RAB5A: variants seen among roughly 807,000 people sequenced by gnomAD.
RAB5A encodes ras-related protein Rab-5A.
In RAB5A, 8 loss-of-function variants were observed where a neutral mutation model predicts 25.7. The observed-to-expected ratio is 0.31, with a 90% confidence interval of 0.18 to 0.56. The LOEUF is 0.56. RAB5A is among the 20% of genes least tolerant of loss of function. The pLI is 0.91. For synonymous variants in RAB5A, 98 were observed against 89.8 expected, an observed-to-expected ratio of 1.09 and a Z score of -0.52; for missense variants, 192 against 259.7, an observed-to-expected ratio of 0.74 and a Z score of 1.79.
intron 5 of RAB5A, chr3:19,978,917 C>G (rs1346921473): frequency 6.6e-6 from 1 of 151,750 alleles, no homozygotes; most frequent in Non-Finnish European, 1.5e-5. Flanking sequence ...AAACAACATC[C>G]ATACTTTATA....
At chr3:19,974,733 A>AAAAAG (rs1436313186) in intron 2 of RAB5A, among the ~76,000 whole-genome samples, 2 of 152,030 alleles carry the variant, frequency 1.3e-5, no homozygotes, top group African/African-American at 4.8e-5. Context: ...AAAAAGAAAA[A>AAAAAG]AAAAGATAAT....
chr3:19,968,770 C>G (rs1237721430), intron 2 of RAB5A, among the ~76,000 whole-genome samples: 1 of 151,928 alleles, frequency 6.6e-6, no homozygotes, highest in African/African-American at 2.4e-5. Flanking sequence ...GCCTTACTTC[C>G]AATTCTTGAT....
chr3:19,947,996 T>TG (rs1696353555), intron 1 of RAB5A: 1 of 152,210 alleles, frequency 6.6e-6, no homozygotes, highest in African/African-American at 2.4e-5. Context: ...GGTGTCAATG[T>TG]GGGGAGCTCC....
chr3:19,973,442 CTTA>C (rs1453083299), intron 2 of RAB5A, among the ~76,000 whole-genome samples: 2 of 148,448 alleles, frequency 1.3e-5, no homozygotes, highest in Non-Finnish European at 3.0e-5. Context: ...TGTATTGTGA[CTTA>C]TTTTCCTCTT....
At chr3:19,963,027 T>C (rs1696610648) in intron 2 of RAB5A, among the ~76,000 whole-genome samples, 1 of 152,158 alleles carries the variant, frequency 6.6e-6, no homozygotes, top group African/African-American at 2.4e-5. Flanking sequence ...CAGGGTAGTC[T>C]CAAACTCCTG....
intron 1 of RAB5A, among the ~76,000 whole-genome samples, chr3:19,949,035 C>T (rs1696381249): frequency 6.6e-6 from 1 of 152,060 alleles, no homozygotes; most frequent in East Asian, 1.9e-4. Flanking sequence ...TTAATTGTCA[C>T]ATCAGCTATG....
At chr3:19,970,528 A>G (rs962407586) in intron 2 of RAB5A, 1 of 456,556 alleles carries the variant, frequency 2.2e-6, no homozygotes, top group Non-Finnish European at 4.4e-6. Context: ...GTTTTTCTCT[A>G]CTTGTCATCG....
chr3:19,964,248 C>T (rs1696629883), intron 2 of RAB5A, among the ~76,000 whole-genome samples: 1 of 152,144 alleles, frequency 6.6e-6, no homozygotes, highest in Non-Finnish European at 1.5e-5. Context: ...TATATATCTA[C>T]CTACCTATAG....
At chr3:19,975,800 T>G in intron 3 of RAB5A, 48 bp downstream of exon 3, 1 of 1,531,170 alleles carries the variant, frequency 6.5e-7, no homozygotes, top group South Asian at 1.2e-5. Context: ...GTACCCACTT[T>G]TGGTGTTCAG....
In RAB5A at chr3:19,980,226, A is replaced by G. The variant is rs180958575; in HGVS notation, c.532+1823A>G. The G allele has an allele frequency of 1.7e-4, 26 of 152,324 alleles. No individual in the cohort carries two copies. The East Asian group carries it at 4.8e-3, about 28-fold the overall frequency. 9.4% of individuals were successfully genotyped at this position (152,324 alleles called of 1,614,324 possible). A position where few individuals can be genotyped will look rare whatever the true frequency, so the allele number is the denominator to read the frequency against. ...TAATAGGCCTCTCAAATCAGCCTGC[A>G]CTGTAAACCTTTCTCACAATATTTA... On this transcript the variant is annotated intron_variant, in intron 5 of 5. Coordinates refer to ENST00000273047, the MANE Select transcript of RAB5A (RefSeq NM_004162.5).
At chr3:19,958,443 G>A in intron 2 of RAB5A, among the ~76,000 whole-genome samples, 1 of 152,088 alleles carries the variant, frequency 6.6e-6, no homozygotes, top group East Asian at 1.9e-4. Flanking sequence ...AAACATTCCC[G>A]TGAGCTGGGA....
intron 2 of RAB5A, among the ~76,000 whole-genome samples, chr3:19,970,160 A>G (rs192582314): frequency 1.3e-5 from 2 of 152,054 alleles, no homozygotes; most frequent in African/African-American, 4.8e-5. Context: ...TCGGCCTCCC[A>G]AAGTGCTGGG....
chr3:19,974,081 A>G (rs1035352254), intron 2 of RAB5A, among the ~76,000 whole-genome samples: 2 of 152,196 alleles, frequency 1.3e-5, no homozygotes, highest in Non-Finnish European at 2.9e-5. Context: ...ACAGTGAATG[A>G]TAGAGCAGCA....
At chr3:19,973,626 G>T (rs1170895582) in intron 2 of RAB5A, among the ~76,000 whole-genome samples, 2 of 152,022 alleles carry the variant, frequency 1.3e-5, no homozygotes. Context: ...GGACAATTCT[G>T]CTAATTGTTG....
chr3:19,965,347 A>G (rs1696645964), intron 2 of RAB5A, among the ~76,000 whole-genome samples: 1 of 151,858 alleles, frequency 6.6e-6, no homozygotes, highest in African/African-American at 2.4e-5. Flanking sequence ...GCTTGAGGCC[A>G]GGAGTTCAAG....
chr3:19,959,964 T>C (rs1696562118), intron 2 of RAB5A, among the ~76,000 whole-genome samples: 1 of 152,174 alleles, frequency 6.6e-6, no homozygotes, highest in Non-Finnish European at 1.5e-5. Context: ...ATTGATCTTT[T>C]TGGAGACACA....
At chr3:19,982,890 A>G (rs1475862535) in intron 5 of RAB5A, among the ~76,000 whole-genome samples, 1 of 152,166 alleles carries the variant, frequency 6.6e-6, no homozygotes, top group East Asian at 1.9e-4. Context: ...GTAGAGGACA[A>G]GTTTTGTTGG....
chr3:19,984,667 G>A lies in RAB5A; in HGVS notation c.*844G>A, dbSNP rs1312563480. ...ATATAGTCAATGCACTAACAATTAT[G>A]TATATTCAAACTTGATTATTTTAAA... On this transcript the variant is annotated 3_prime_UTR_variant, in exon 6 of 6. Transcript: ENST00000273047. 1 of 155,914 alleles carries A rather than the reference G, an allele frequency of 6.4e-6. No individual in the cohort carries two copies. Among genetic ancestry groups the A allele is most frequent in the African/African-American group, 2.4e-5 (1 of 41,440 alleles). The allele number at this position is 155,914 out of a possible 1,614,324, so 9.7% of individuals were successfully genotyped here. A position where few individuals can be genotyped will look rare whatever the true frequency, so the allele number is the denominator to read the frequency against.
At chr3:19,975,402 G>C (rs1008755851) in intron 2 of RAB5A, 199 bp from the exon 3 acceptor site, 15 of 475,094 alleles carry the variant, frequency 3.2e-5, no homozygotes, top group Admixed American at 2.3e-4. Context: ...TATCAGCTGT[G>C]GGTATGCAAT....
Sources: allele counts gnomAD v4.1 joint callset (sites outside exome capture counted in the v4.1 genomes callset), GRCh38; gene constraint gnomAD v4.1.1; transcripts MANE v1.5; gene names NCBI Gene and HGNC (gene_info 2026-07-23, HGNC 2026-07-21).